Variants in SYNE1 observed in about 807,000 individuals in gnomAD.
SYNE1 encodes nesprin-1.
SYNE1 carries 616 observed loss-of-function variants against 1,111.0 expected under a neutral mutation model. That is an observed-to-expected ratio of 0.55 (90% CI 0.52 to 0.59). SYNE1 has a LOEUF of 0.59. SYNE1 is among the 20% of genes least tolerant of loss of function. The pLI is 0.00. For missense variants in SYNE1, 10,006 were observed against 10,417.0 expected (o/e 0.96, Z 1.72); for synonymous variants, 3,855 against 3,825.8 (o/e 1.01, Z -0.28).
intron 40 of SYNE1, 119 bp from the exon 41 acceptor site, chr6:152,417,134 A>C: frequency 7.1e-7 from 1 of 1,417,896 alleles, no homozygotes; most frequent in Non-Finnish European, 9.7e-7. Flanking sequence ...ATAGTACTTA[A>C]AGGTCATCTA....
chr6:152,159,528 T>G (rs1275900236), intron 131 of SYNE1, among the ~76,000 whole-genome samples: 1 of 152,240 alleles, frequency 6.6e-6, no homozygotes, highest in Non-Finnish European at 1.5e-5. Context: ...GAAAGCAGCA[T>G]GTTTTCCACC....
At chr6:152,557,680 GA>G (rs1276328786) in intron 3 of SYNE1, among the ~76,000 whole-genome samples, 1 of 152,168 alleles carries the variant, frequency 6.6e-6, no homozygotes, top group Non-Finnish European at 1.5e-5. Flanking sequence ...GCTGGTGGGG[GA>G]AAAATACTGT....
At chr6:152,554,038 C>T (rs544077630) in intron 3 of SYNE1, among the ~76,000 whole-genome samples, 7 of 151,994 alleles carry the variant, frequency 4.6e-5, no homozygotes, top group Non-Finnish European at 1.0e-4. Context: ...GGCAGATCCC[C>T]GGGGCTGAGG....
At position 152,431,362 on chromosome 6, in the gene SYNE1, C is replaced by G. The variant is rs117232942; in HGVS notation, c.4462-653G>C. Among the ~76,000 whole-genome samples, 87 of 152,268 alleles carry G rather than the reference C, an allele frequency of 5.7e-4. No individual in the cohort carries two copies. The East Asian group carries it at 0.013, about 23-fold the overall frequency. On this transcript the variant is annotated intron_variant, in intron 34 of 145. Transcript: ENST00000367255. Reference sequence around the variant, plus strand: ...TCCAGCTGATGCTGAGGCTGCTGATCCAGGGACCTCATTGCTATGTACTTG... The same window carrying G: ...TCCAGCTGATGCTGAGGCTGCTGATGCAGGGACCTCATTGCTATGTACTTG...
intron 52 of SYNE1, 68 bp downstream of exon 52, chr6:152,391,209 C>A: frequency 5.6e-6 from 9 of 1,605,372 alleles, no homozygotes; most frequent in Non-Finnish European, 6.8e-6. Context: ...GGACACAACA[C>A]AAGCACTTGT....
At chr6:152,594,484 T>C (rs561158007) in intron 3 of SYNE1, among the ~76,000 whole-genome samples, 27 of 152,254 alleles carry the variant, frequency 1.8e-4, no homozygotes, top group Admixed American at 8.5e-4. Context: ...CAGATTATAT[T>C]ACCTTTAGGA....
At chr6:152,267,962 G>T in intron 100 of SYNE1, 94 bp downstream of exon 100, 1 of 1,110,996 alleles carries the variant, frequency 9.0e-7, no homozygotes, top group Non-Finnish European at 1.4e-6. Context: ...TTTTGCAGAA[G>T]ATGTTTAAAA....
chr6:152,199,036 AAC>A (rs1219506769), intron 127 of SYNE1, among the ~76,000 whole-genome samples: 2 of 152,140 alleles, frequency 1.3e-5, no homozygotes, highest in African/African-American at 2.4e-5. Flanking sequence ...GGATCTGTGA[AAC>A]ACACTAAAAC....
Position 152,472,396 on chromosome 6 carries a change from C to T in SYNE1, c.1368G>A (p.Thr456=), listed in dbSNP as rs745809986. 9.9e-6 allele frequency: 16 copies of T among 1,613,408 alleles called. No individual in the cohort carries two copies. The highest frequency in any genetic ancestry group is 5.5e-5 in the South Asian group (5 of 90,998). ...CATGGAATGCTCTTTTGTGGGCATC[C>T]GTGTTTTGAAGCAGATCCTAAGATA... The part of the protein sequence containing the change: ...LEQHKDLLQN[T]DAHKRAFHEI... The change falls in exon 15 of 146, where the codon ACG becomes ACA. Residue 456 remains threonine, a synonymous_variant. Transcript: ENST00000367255.
rs111381548 is a variant in SYNE1, at chr6:152,564,381, C to T, written c.68-24360G>A. On this transcript the variant is annotated intron_variant, in intron 3 of 145. Transcript: ENST00000367255. ...ACCCAGACAGGAGCGCAGTGGCATG[C>T]TCTCGGCTCACTATAGCCTCAACCT... 7.9e-5 allele frequency among the ~76,000 whole-genome samples: 12 copies of T among 152,288 alleles called. 1 individual carries two copies. The highest frequency in any genetic ancestry group is 2.9e-4 in the African/African-American group (12 of 41,568).
intron 121 of SYNE1, among the ~76,000 whole-genome samples, chr6:152,217,970 C>T (rs1351058998): frequency 6.6e-6 from 1 of 152,052 alleles, no homozygotes; most frequent in African/African-American, 2.4e-5. Flanking sequence ...CCTGTAATTC[C>T]AGCATTTTGG....
intron 128 of SYNE1, among the ~76,000 whole-genome samples, chr6:152,184,666 A>T (rs1474686753): frequency 6.6e-6 from 1 of 150,378 alleles, no homozygotes; most frequent in African/African-American, 2.5e-5. Context: ...ATAGATAGAT[A>T]GATAGATAGA....
At chr6:152,217,391 G>A (rs35097610) in intron 121 of SYNE1, among the ~76,000 whole-genome samples, 1,319 of 124,212 alleles carry the variant, frequency 0.011, 26 homozygotes, top group African/African-American at 0.04. Flanking sequence ...GCAAGACTCC[G>A]TCACAAAAAA....
intron 130 of SYNE1, among the ~76,000 whole-genome samples, chr6:152,175,190 C>CAAATATAAATAAAT (rs1214327220): frequency 1.2e-3 from 176 of 152,136 alleles, no homozygotes; most frequent in Non-Finnish European, 2.1e-3. Context: ...GACTCCATCT[C>CAAATATAAATAAAT]AAATATAAAT....
intron 3 of SYNE1, among the ~76,000 whole-genome samples, chr6:152,620,707 T>C (rs1440717399): frequency 6.6e-6 from 1 of 152,176 alleles, no homozygotes; most frequent in Non-Finnish European, 1.5e-5. Context: ...ATCTGTCTCT[T>C]GACTTGTCAA....
chr6:152,428,424 G>A, intron 36 of SYNE1, 32 bp from the exon 37 acceptor site: 2 of 1,611,336 alleles, frequency 1.2e-6, no homozygotes, highest in Non-Finnish European at 1.7e-6. Flanking sequence ...TGCAGTGAAA[G>A]CACAGGAGCC....
rs1562483820 is a variant in SYNE1, at chr6:152,247,730, TATATA to T, written c.19572+1426_19572+1430del. ...ATATTAAAATATATATTTTTTATTATATATATATATATATATATATACACACACAC... is the reference window on the plus strand; with the variant it reads ...ATATTAAAATATATATTTTTTATTATTATATATATATATATACACACACAC... On this transcript the variant is annotated intron_variant, in intron 105 of 145. Transcript: ENST00000367255. 2.2e-3 allele frequency among the ~76,000 whole-genome samples: 179 copies of T among 81,178 alleles called. 1 individual carries two copies. Among genetic ancestry groups the T allele is most frequent in the African/African-American group, 0.011 (175 of 15,886 alleles). The allele number at this position is 81,178 out of a possible 152,430, so 53.3% of individuals were successfully genotyped here. A position where few individuals can be genotyped will look rare whatever the true frequency, so the allele number is the denominator to read the frequency against.
At chr6:152,143,957 T>A in intron 137 of SYNE1, 192 bp from the exon 138 acceptor site, 1 of 731,074 alleles carries the variant, frequency 1.4e-6, no homozygotes, top group Non-Finnish European at 2.3e-6. Context: ...CCAATGAAGG[T>A]GCTTGACTGA....
chr6:152,441,574 G>A (rs550067333), intron 31 of SYNE1, among the ~76,000 whole-genome samples: 2 of 152,286 alleles, frequency 1.3e-5, no homozygotes, highest in African/African-American at 4.8e-5. Context: ...AATAAAAAAG[G>A]CCTCTCAATC....
Sources: allele counts gnomAD v4.1 joint callset (sites outside exome capture counted in the v4.1 genomes callset), GRCh38; gene constraint gnomAD v4.1.1; transcripts MANE v1.5; gene names NCBI Gene and HGNC (gene_info 2026-07-23, HGNC 2026-07-21).